Variants in PTPRD observed in about 807,000 individuals in gnomAD.
The protein encoded by PTPRD is receptor-type tyrosine-protein phosphatase delta.
A neutral mutation model predicts 214.5 loss-of-function variants in PTPRD; 34 were observed. That is an observed-to-expected ratio of 0.16 (90% confidence interval 0.12 to 0.21). The LOEUF (loss-of-function observed/expected upper bound fraction) is 0.21. Ranked by LOEUF, PTPRD falls within the 10% of genes least tolerant of loss-of-function variation. The pLI is 1.00. For synonymous variants in PTPRD, 1,128 were observed against 845.7 expected (o/e 1.33, Z -5.79); for missense variants, 2,545 against 2,398.7 (o/e 1.06, Z -1.27).
Position 9,986,457 on chromosome 9 carries a change from T to C in PTPRD, c.-472+47261A>G, listed in dbSNP as rs551685736. On this transcript the variant is annotated intron_variant, in intron 4 of 45. Coordinates refer to ENST00000381196, the MANE Select transcript of PTPRD (RefSeq NM_002839.4). ...GGTGATATGACATGTGATTAAGAAC[T>C]ATAATTATAAAGTAATATCACTGCT... 2.0e-5 allele frequency among the ~76,000 whole-genome samples: 3 copies of C among 152,226 alleles called. No individual in the cohort carries two copies. In the East Asian group the frequency reaches 5.8e-4, roughly 29 times the overall value.
At chr9:9,384,470 T>C (rs563089715) in intron 9 of PTPRD, among the ~76,000 whole-genome samples, 56 of 149,898 alleles carry the variant, frequency 3.7e-4, no homozygotes, top group African/African-American at 1.2e-3. Flanking sequence ...ACCTGGTATG[T>C]TGAGGTCGAG....
chr9:9,098,831 C>T (rs573291590), intron 10 of PTPRD, among the ~76,000 whole-genome samples: 7 of 152,250 alleles, frequency 4.6e-5, no homozygotes, highest in African/African-American at 1.7e-4. Context: ...GAGACTCTTA[C>T]ACATGTTCAC....
At chr9:8,322,260 C>T (rs569489520) in intron 44 of PTPRD, among the ~76,000 whole-genome samples, 11 of 151,998 alleles carry the variant, frequency 7.2e-5, no homozygotes, top group African/African-American at 1.9e-4. Flanking sequence ...GGGAGAGTCG[C>T]GTGTATCTAA....
At chr9:8,689,345 C>T (rs1220760046) in intron 12 of PTPRD, among the ~76,000 whole-genome samples, 1 of 152,196 alleles carries the variant, frequency 6.6e-6, no homozygotes, top group Non-Finnish European at 1.5e-5. Flanking sequence ...TGAAGACTTA[C>T]TGGGTTAATC....
At chr9:9,493,133 C>T (rs560503141) in intron 8 of PTPRD, among the ~76,000 whole-genome samples, 1 of 151,754 alleles carries the variant, frequency 6.6e-6, no homozygotes, top group South Asian at 2.1e-4. Context: ...TTACATCTCT[C>T]ACTGTAAATA....
chr9:9,881,680 A>C (rs2068740173), intron 5 of PTPRD, among the ~76,000 whole-genome samples: 1 of 152,128 alleles, frequency 6.6e-6, no homozygotes, highest in Admixed American at 6.5e-5. Context: ...GGTTGTATTA[A>C]GGTGCCACTT....
chr9:8,633,194 A>G (rs2154319718), intron 14 of PTPRD, 123 bp downstream of exon 14: 1 of 1,254,804 alleles, frequency 8.0e-7, no homozygotes. Flanking sequence ...TTCAAGTCTT[A>G]CAAACATTTA....
At chr9:9,455,700 T>C (rs1259007883) in intron 8 of PTPRD, among the ~76,000 whole-genome samples, 2 of 151,660 alleles carry the variant, frequency 1.3e-5, no homozygotes, top group African/African-American at 4.8e-5. Context: ...AGTTTCTAGA[T>C]TGTTCAATAT....
intron 11 of PTPRD, among the ~76,000 whole-genome samples, chr9:8,932,716 C>G (rs931328884): frequency 1.3e-5 from 2 of 152,152 alleles, no homozygotes; most frequent in African/African-American, 2.4e-5. Flanking sequence ...GTGGACCCCC[C>G]CTCCCCACTA....
chr9:8,460,612 C>G, intron 32 of PTPRD, 41 bp from the exon 33 acceptor site: 2 of 1,584,436 alleles, frequency 1.3e-6, no homozygotes, highest in East Asian at 2.2e-5. Context: ...AAAATAATGA[C>G]TTTCTAGATA....
intron 5 of PTPRD, among the ~76,000 whole-genome samples, chr9:9,856,645 A>G (rs1336964806): frequency 2.0e-5 from 3 of 152,162 alleles, no homozygotes; most frequent in African/African-American, 7.2e-5. Flanking sequence ...TACCAAAAAA[A>G]AAAAATTATT....
intron 12 of PTPRD, among the ~76,000 whole-genome samples, chr9:8,702,701 G>C (rs1434179259): frequency 6.6e-6 from 1 of 152,126 alleles, no homozygotes; most frequent in African/African-American, 2.4e-5. Flanking sequence ...GCAACCTCCC[G>C]TGTTCAAGCG....
chr9:8,637,545 T>C (rs550218961), intron 12 of PTPRD, among the ~76,000 whole-genome samples: 60 of 152,330 alleles, frequency 3.9e-4, no homozygotes, highest in African/African-American at 1.3e-3. Context: ...AAGATAGACA[T>C]TGGAAGCTTG....
At chr9:8,384,445 C>G (rs990690668) in intron 37 of PTPRD, among the ~76,000 whole-genome samples, 1 of 152,190 alleles carries the variant, frequency 6.6e-6, no homozygotes, top group African/African-American at 2.4e-5. Context: ...TTACACAGTA[C>G]ATTCTACAAC....
chr9:8,528,211 CAAGT>C (rs1300704175), intron 15 of PTPRD: 4 of 416,028 alleles, frequency 9.6e-6, no homozygotes, highest in African/African-American at 8.3e-5. Flanking sequence ...GATCTCCTTG[CAAGT>C]TCTGAATGAA....
At chr9:8,453,233 G>A (rs1423879556) in intron 33 of PTPRD, among the ~76,000 whole-genome samples, 3 of 152,098 alleles carry the variant, frequency 2.0e-5, no homozygotes, top group African/African-American at 4.8e-5. Context: ...GTGCGATCTC[G>A]GCTCACTGCA....
At chr9:9,660,568 A>G (rs924129241) in intron 7 of PTPRD, among the ~76,000 whole-genome samples, 38 of 151,988 alleles carry the variant, frequency 2.5e-4, no homozygotes, top group African/African-American at 8.9e-4. Flanking sequence ...ATCACAAGTT[A>G]TTTGTGTTCA....
At chr9:9,213,293 G>C (rs1225267205) in intron 9 of PTPRD, among the ~76,000 whole-genome samples, 1 of 152,078 alleles carries the variant, frequency 6.6e-6, no homozygotes, top group East Asian at 1.9e-4. Context: ...GGAGTGTTGG[G>C]GGACTTTGAG....
intron 8 of PTPRD, among the ~76,000 whole-genome samples, chr9:9,507,864 C>G (rs928214021): frequency 2.0e-5 from 3 of 151,314 alleles, no homozygotes; most frequent in African/African-American, 7.3e-5. Context: ...CTTCATAAAC[C>G]AAAGTCTATT....
Sources: allele counts gnomAD v4.1 joint callset (sites outside exome capture counted in the v4.1 genomes callset), GRCh38; gene constraint gnomAD v4.1.1; transcripts MANE v1.5; gene names NCBI Gene and HGNC (gene_info 2026-07-23, HGNC 2026-07-21).